The following FGF13 variants were observed in gnomAD, a reference collection of about 807,000 sequenced individuals.
FGF13 encodes fibroblast growth factor homologous factor 2.
Under a neutral mutation model 19.5 loss-of-function variants are expected in FGF13, and 2 were observed. That is an observed-to-expected ratio of 0.10 (90% confidence interval 0.04 to 0.32). The LOEUF (loss-of-function observed/expected upper bound fraction) is 0.32. Among genes scored for constraint, FGF13 ranks in the 10% least tolerant of loss-of-function variants. The pLI, the probability that FGF13 is intolerant of heterozygous loss-of-function variation, is 1.00. For synonymous variants in FGF13, 72 were observed against 76.9 expected, an observed-to-expected ratio of 0.94 and a Z score of 0.33; for missense variants, 113 against 192.7, an observed-to-expected ratio of 0.59 and a Z score of 2.45.
At chrX:139,053,289 C>T (rs1269380020) in intron 1 of FGF13, among the ~76,000 whole-genome samples, 2 of 110,980 alleles carry the variant, frequency 1.8e-5, no homozygotes, top group Non-Finnish European at 3.8e-5. Flanking sequence ...CTGGGTCAAA[C>T]GGTAGTTCTA....
intron 3 of FGF13, among the ~76,000 whole-genome samples, chrX:138,764,053 A>G (rs1327615191): frequency 9.0e-6 from 1 of 111,585 alleles, no homozygotes; most frequent in Non-Finnish European, 1.9e-5. Context: ...TTCCCCCTGC[A>G]TGAGTAGCCT....
intron 3 of FGF13, among the ~76,000 whole-genome samples, chrX:138,824,718 G>A (rs899008198): frequency 1.8e-5 from 2 of 111,329 alleles, no homozygotes; most frequent in African/African-American, 6.5e-5. Flanking sequence ...TATTCAAAGA[G>A]CCCATGATAT....
At chrX:139,130,196 G>A (rs2083750657) in intron 1 of FGF13, among the ~76,000 whole-genome samples, 1 of 112,061 alleles carries the variant, frequency 8.9e-6, no homozygotes, top group Non-Finnish European at 1.9e-5. Flanking sequence ...TAATTGGCAT[G>A]TAGTGACACT....
In FGF13 at chrX:139,001,999, C is replaced by T. The variant is rs753937337; in HGVS notation, c.-112-137349G>A. ...TGTGGCACAAATGCACCAAGGAATA[C>T]TATGCAGCCATAAAAAAAGGATGAG... On this transcript the variant is annotated intron_variant, in intron 1 of 2. Coordinates refer to the FGF13 transcript ENST00000421460. Among the ~76,000 whole-genome samples the T allele has an allele frequency of 2.7e-5, 3 of 111,844 alleles. No homozygotes were observed. In the Admixed American group the frequency reaches 2.8e-4, roughly 11 times the overall value.
rs751763048 is a variant in FGF13, at chrX:139,188,316, T to C, written c.-113+15100A>G. ...AAAATAAATATATCTGCAGGCTTTC[T>C]GCCCACCAATGGGAAATAATATATT... On this transcript the variant is annotated intron_variant, in intron 1 of 2. Coordinates refer to the FGF13 transcript ENST00000421460. 6.2e-3 allele frequency among the ~76,000 whole-genome samples: 701 copies of C among 112,490 alleles called. 6 individuals are homozygous for C. The highest frequency in any genetic ancestry group is 0.021 in the African/African-American group (654 of 30,994).
At chrX:138,889,097 C>G (rs954345695) in intron 1 of FGF13, among the ~76,000 whole-genome samples, 1 of 111,623 alleles carries the variant, frequency 9.0e-6, no homozygotes, top group East Asian at 2.8e-4. Flanking sequence ...ATCACAGTAT[C>G]GTGAGTGCTC....
chrX:138,864,807 G>A (rs2091308720), intron 1 of FGF13, among the ~76,000 whole-genome samples: 1 of 112,483 alleles, frequency 8.9e-6, no homozygotes, highest in Non-Finnish European at 1.9e-5. Flanking sequence ...AGACTAGAGA[G>A]GAGTACATTC....
At chrX:139,102,281 T>C (rs1203011083) in intron 1 of FGF13, among the ~76,000 whole-genome samples, 2 of 111,256 alleles carry the variant, frequency 1.8e-5, no homozygotes, top group East Asian at 2.8e-4. Context: ...CTGGAAAAAA[T>C]ACCAAACTTG....
intron 3 of FGF13, among the ~76,000 whole-genome samples, chrX:138,801,052 T>C (rs2090824773): frequency 8.9e-6 from 1 of 112,173 alleles, no homozygotes; most frequent in African/African-American, 3.2e-5. Flanking sequence ...AGGAGTTTGT[T>C]ATTACCCATC....
At chrX:138,725,443 G>A (rs1465257832) in intron 1 of FGF13, among the ~76,000 whole-genome samples, 3 of 111,317 alleles carry the variant, frequency 2.7e-5, no homozygotes, top group African/African-American at 9.8e-5. Context: ...TATTTACCCA[G>A]GGGATAAAAC....
chrX:138,635,292 G>A (rs1044546154), intron 4 of FGF13, among the ~76,000 whole-genome samples, 165 bp downstream of exon 4: 5 of 111,547 alleles, frequency 4.5e-5, no homozygotes, highest in African/African-American at 1.6e-4. Context: ...ACTGGGTACA[G>A]TGTATACTGC....
At chrX:138,757,582 T>C (rs1388510189) in intron 3 of FGF13, among the ~76,000 whole-genome samples, 1 of 111,032 alleles carries the variant, frequency 9.0e-6, no homozygotes, top group Non-Finnish European at 1.9e-5. Context: ...TGTGAACCAA[T>C]AGTGAGCTGG....
chrX:139,028,562 G>A (rs1266493876), intron 1 of FGF13, among the ~76,000 whole-genome samples: 2 of 93,685 alleles, frequency 2.1e-5, no homozygotes, highest in Non-Finnish European at 4.4e-5. Context: ...AGTTAAGGCA[G>A]AAGAGAGAGG....
intron 3 of FGF13, among the ~76,000 whole-genome samples, chrX:138,670,374 G>A (rs1191364083): frequency 8.9e-6 from 1 of 111,895 alleles, no homozygotes; most frequent in East Asian, 2.8e-4. Context: ...TTATAAAGAT[G>A]ATGCATGCAT....
At chrX:138,883,872 C>T (rs903332761) in intron 1 of FGF13, among the ~76,000 whole-genome samples, 9 of 111,819 alleles carry the variant, frequency 8.0e-5, no homozygotes, top group Non-Finnish European at 1.7e-4. Context: ...GGCATCCCCA[C>T]ACAAAGAAGA....
intron 1 of FGF13, among the ~76,000 whole-genome samples, chrX:139,083,384 A>G: frequency 8.9e-6 from 1 of 111,992 alleles, no homozygotes; most frequent in African/African-American, 3.2e-5. Flanking sequence ...GGTCTTGACT[A>G]AAGAGTGCCG....
At chrX:138,961,472 T>C (rs973074184) in intron 1 of FGF13, among the ~76,000 whole-genome samples, 2 of 111,617 alleles carry the variant, frequency 1.8e-5, no homozygotes, top group African/African-American at 6.5e-5. Context: ...AGGCAGTCTG[T>C]CTCTTCTCTG....
At chrX:138,933,390 T>C (rs2091715009) in intron 1 of FGF13, among the ~76,000 whole-genome samples, 1 of 112,029 alleles carries the variant, frequency 8.9e-6, no homozygotes, top group African/African-American at 3.2e-5. Context: ...GGGTTAAATA[T>C]CTGTCTCCTA....
chrX:138,795,753 C>A (rs2090773483), intron 3 of FGF13, among the ~76,000 whole-genome samples: 1 of 111,989 alleles, frequency 8.9e-6, no homozygotes, highest in African/African-American at 3.2e-5. Flanking sequence ...AGGGAGCAGG[C>A]ACTGCTAATA....
Sources: gnomAD v4.1 joint callset for allele counts (sites outside exome capture counted in the v4.1 genomes callset) on GRCh38, gnomAD v4.1.1 for gene constraint, MANE v1.5 for transcripts, NCBI Gene and HGNC (gene_info 2026-07-23, HGNC 2026-07-21) for gene names.